KHNYN: variants seen among roughly 807,000 people sequenced by gnomAD.
The protein encoded by KHNYN is KH and NYN domain containing, also known as protein KHNYN.
A neutral mutation model predicts 62.7 loss-of-function variants in KHNYN; 42 were observed. The observed-to-expected ratio is 0.67, with a 90% CI of 0.52 to 0.87. The LOEUF (loss-of-function observed/expected upper bound fraction) is 0.87. Among genes scored for constraint, KHNYN ranks in the 40% least tolerant of loss-of-function variants. KHNYN has a pLI of 0.00. For synonymous variants in KHNYN, 347 were observed against 345.6 expected, an observed-to-expected ratio of 1.00 and a Z score of -0.04; for missense variants, 829 against 874.1, an observed-to-expected ratio of 0.95 and a Z score of 0.65.
At chr14:24,433,985 A>G (rs1235580456) in intron 5 of KHNYN, 1 of 231,932 alleles carries the variant, frequency 4.3e-6, no homozygotes, top group African/African-American at 2.3e-5. Context: ...TTTCCAAACC[A>G]TAGTGATTAT....
chr14:24,441,748 G>A lies in KHNYN; in HGVS notation c.*4463G>A, dbSNP rs2043347629. ...GATGGCTTTAGCCAGCAATTGGGTG[G>A]TCTCTAGGCGGCTGCCGATTACCTC... On this transcript the variant is annotated 3_prime_UTR_variant, in exon 8 of 8. Transcript: ENST00000553935. 6.2e-7 allele frequency: 1 copy of A among 1,601,896 alleles called. No individual in the cohort carries two copies. The highest frequency in any genetic ancestry group is 1.8e-5 in the Admixed American group (1 of 55,508).
chr14:24,440,443 G>C lies in KHNYN; in HGVS notation c.*3158G>C, dbSNP rs1476266279. 4.3e-6 allele frequency: 7 copies of C among 1,611,754 alleles called. No homozygotes were observed. In the African/African-American group the frequency reaches 8.0e-5, roughly 18 times the overall value. ...TGGGGCCCCCCAGGCCCAGGCGAAA[G>C]GGCAGCAGCATGTGGCCCATGGCAC... On this transcript the variant is annotated 3_prime_UTR_variant, in exon 8 of 8. Coordinates refer to ENST00000553935, the MANE Select transcript of KHNYN (RefSeq NM_015299.3).
rs1179628054 is a variant in KHNYN at position 24,440,670 on chromosome 14, AGTG to A, written c.*3390_*3392del. 1 of 1,430,224 alleles carries A rather than the reference AGTG, an allele frequency of 7.0e-7. No homozygotes were observed. Among genetic ancestry groups the A allele is most frequent in the Admixed American group, 1.9e-5 (1 of 51,852 alleles). 88.6% of individuals were successfully genotyped at this position (1,430,224 alleles called of 1,614,324 possible). On this transcript the variant is annotated 3_prime_UTR_variant, in exon 8 of 8. Transcript: ENST00000553935. ...CCTTCTCATCTGCAGGTTGGCTAGA[AGTG>A]GTGGCATCCTCTCACTCTGTAATTG...
rs756951856 is a variant in KHNYN at position 24,432,418 on chromosome 14, G to A, written c.1157G>A (p.Gly386Glu). 7.4e-6 allele frequency: 12 copies of A among 1,613,520 alleles called. No individual in the cohort carries two copies. Among genetic ancestry groups the A allele is most frequent in the Non-Finnish European group, 1.0e-5 (12 of 1,179,878 alleles). The stretch of plus-strand genomic sequence containing the variant: ...GACCGGGGAGACGTGGGGGACAGGG[G>A]AGACAAGCAGCAGGGCATGGCACGG... ...CGDRGDVGDR[G>E]DKQQGMARGR... Residue 386 changes from glycine (G) to glutamate (E), a missense_variant, in exon 3 of 8, where the codon GGA becomes GAA. By Grantham distance (98) the Gly-to-Glu change is moderately conservative. Coordinates refer to ENST00000553935, the MANE Select transcript of KHNYN (RefSeq NM_015299.3). The surrounding 1 kb of genome is among the most constrained non-coding windows in gnomAD (Gnocchi z 5.6).
At chr14:24,435,919 AG>A in intron 5 of KHNYN, 152 bp from the exon 6 acceptor site, 1 of 634,624 alleles carries the variant, frequency 1.6e-6, no homozygotes, top group East Asian at 2.7e-5. Flanking sequence ...TTATTTTTGT[AG>A]ATTTGGGGGA....
intron 1 of KHNYN, 144 bp from the exon 2 acceptor site, chr14:24,430,570 A>G: frequency 7.0e-7 from 1 of 1,432,902 alleles, no homozygotes; most frequent in South Asian, 1.5e-5. Flanking sequence ...CCCTACCTCC[A>G]GTGGACTCAG....
At chr14:24,428,653 T>A (rs1425212327), upstream of KHNYN, 1 of 1,344,258 alleles carries the variant, frequency 7.4e-7, no homozygotes, top group East Asian at 2.3e-5. Context: ...TGTAGGAAGC[T>A]GTTTTCTTAA....
At chr14:24,431,367 C>G in intron 2 of KHNYN, 96 bp from the exon 3 acceptor site, 1 of 962,862 alleles carries the variant, frequency 1.0e-6, no homozygotes, top group South Asian at 1.6e-5. Context: ...TGTGGATACT[C>G]CAGACATCCT....
the KHNYN span, among the ~76,000 whole-genome samples, chr14:24,423,611 G>T: frequency 0.62 from 94,957 of 152,062 alleles, 30,426 homozygotes; most frequent in Middle Eastern, 0.76. Context: ...GCTTAAGGAG[G>T]GAACAGAAGC....
At position 24,432,073 on chromosome 14, in the gene KHNYN, G is replaced by A; in HGVS notation, c.812G>A (p.Gly271Glu). 1.3e-6 allele frequency: 2 copies of A among 1,567,622 alleles called. No homozygotes were observed. The highest frequency in any genetic ancestry group is 1.7e-6 in the Non-Finnish European group (2 of 1,155,204). ...GGTGGTCCCAGGGAGATGGATTGGG[G>A]GTGGAAGGAGTTGCCTGGGGAAGAG... Reference protein sequence around the residue: ...KQGGPREMDWGWKELPGEEAW... With the variant: ...KQGGPREMDWEWKELPGEEAW... Residue 271 changes from glycine (G) to glutamate (E), a missense_variant, in exon 3 of 8, where the codon GGG becomes GAG. This residue lies in a region of KHNYN where 559 missense variants were observed against 527.0 expected (regional missense o/e 1.06). Transcript: ENST00000553935. This position sits in a 1 kb window ranked among gnomAD's most constrained non-coding sequence, Gnocchi z 5.6.
At chr14:24,429,363 G>A, upstream of KHNYN, 1 of 627,882 alleles carries the variant, frequency 1.6e-6, no homozygotes, top group Non-Finnish European at 3.0e-6. Context: ...AGCCCTGCTG[G>A]ATGGGACAGC....
chr14:24,435,247 G>A (rs2043188093), intron 5 of KHNYN, among the ~76,000 whole-genome samples: 1 of 152,250 alleles, frequency 6.6e-6, no homozygotes, highest in Non-Finnish European at 1.5e-5. Flanking sequence ...AGAGCAGAGT[G>A]TAATCTGATT....
upstream of KHNYN, chr14:24,429,765 C>G (rs1267904959): frequency 1.0e-6 from 1 of 985,220 alleles, no homozygotes; most frequent in Non-Finnish European, 1.2e-6. Context: ...TGCGCGAGGA[C>G]CCTGAGGGCC....
At position 24,432,892 on chromosome 14, in the gene KHNYN, T is replaced by G. The variant is rs775086864; in HGVS notation, c.1480+40T>G. ...GTCTTCAGTGTCCCAGGATAGGCTC[T>G]GTTTCCACTTTGAGGAGAACCCTAT... is the stretch of plus-strand genomic sequence containing the variant. On this transcript the variant is annotated intron_variant, in intron 4 of 7. Coordinates refer to ENST00000553935, the MANE Select transcript of KHNYN (RefSeq NM_015299.3). This position sits in a 1 kb window ranked among gnomAD's most constrained non-coding sequence, Gnocchi z 5.6. 2 of 1,614,120 alleles carry G rather than the reference T, an allele frequency of 1.2e-6. No individual in the cohort carries two copies. The highest frequency in any genetic ancestry group is 1.3e-5 in the African/African-American group (1 of 74,950).
rs1417256510 is a variant in KHNYN, at chr14:24,432,421, ACAAG to A, written c.1163_1166del (p.Lys388SerfsTer22). On this transcript the variant is annotated frameshift_variant, in exon 3 of 8. Coordinates refer to ENST00000553935, the MANE Select transcript of KHNYN (RefSeq NM_015299.3). LOFTEE classifies it high-confidence loss of function. This position sits in a 1 kb window ranked among gnomAD's most constrained non-coding sequence, Gnocchi z 5.6. ...CGGGGAGACGTGGGGGACAGGGGAG[ACAAG>A]CAGCAGGGCATGGCACGGGGTCGGG... The A allele has an allele frequency of 7.4e-6, 12 of 1,613,362 alleles. No individual in the cohort carries two copies. In the Admixed American group the frequency reaches 8.3e-5, roughly 11 times the overall value.
rs776850124 is a variant in KHNYN at position 24,431,904 on chromosome 14, G to A, written c.643G>A (p.Ala215Thr). The A allele has an allele frequency of 4.3e-6, 7 of 1,614,078 alleles. No individual in the cohort carries two copies. In the East Asian group the frequency reaches 1.6e-4, roughly 36 times the overall value. Reference protein sequence around the residue: ...ALASWEGRSSALLGAQCQGVR... With the variant: ...ALASWEGRSSTLLGAQCQGVR... ...GGCTTCTTGGGAGGGGCGGAGCTCA[G>A]CCTTGCTGGGTGCTCAGTGCCAAGG... Residue 215 changes from alanine to threonine, a missense_variant, in exon 3 of 8, where the codon GCC (alanine) becomes ACC (threonine). This residue lies in a region of KHNYN where 559 missense variants were observed against 527.0 expected (regional missense o/e 1.06). Transcript: ENST00000553935.
In KHNYN at chr14:24,432,846, G is replaced by A. The variant is rs749226537; in HGVS notation, c.1474G>A (p.Val492Ile). Residue 492 changes from valine to isoleucine, a missense_variant, in exon 4 of 8, where the codon GTC becomes ATC. Transcript: ENST00000553935. This position sits in a 1 kb window ranked among gnomAD's most constrained non-coding sequence, Gnocchi z 5.6. ...GTGGCGCTTCAGTAAGGATGCCAAA[G>A]TCAGAGGTGAGTTGGGCCTGGTCTT... is the stretch of plus-strand genomic sequence containing the variant. ...PQWRFSKDAKVRESHFLQKLY... is the reference protein window; with the variant it reads ...PQWRFSKDAKIRESHFLQKLY... 6.2e-7 allele frequency: 1 copy of A among 1,614,232 alleles called. No homozygotes were observed. The highest frequency in any genetic ancestry group is 2.2e-5 in the East Asian group (1 of 44,890).
chr14:24,439,982 A>T lies in KHNYN; in HGVS notation c.*2697A>T. ...GAAAGAGGACTGGGAGAGGAATCTA[A>T]GAACCAGATGGCTTCAGCTCTCTAG... On this transcript the variant is annotated 3_prime_UTR_variant, in exon 8 of 8. Transcript: ENST00000553935. 1.0e-6 allele frequency: 1 copy of T among 959,704 alleles called. No individual in the cohort carries two copies. The highest frequency in any genetic ancestry group is 1.5e-6 in the Non-Finnish European group (1 of 657,034). The allele number at this position is 959,704 out of a possible 1,614,324, so 59.4% of individuals were successfully genotyped here. A position where few individuals can be genotyped will look rare whatever the true frequency, so the allele number is the denominator to read the frequency against.
rs980423571 is a variant in KHNYN, at chr14:24,440,220, C to T, written c.*2935C>T. The T allele has an allele frequency of 6.2e-7, 1 of 1,613,974 alleles. No homozygotes were observed. Among genetic ancestry groups the T allele is most frequent in the African/African-American group, 1.3e-5 (1 of 75,058 alleles). On this transcript the variant is annotated 3_prime_UTR_variant, in exon 8 of 8. Coordinates refer to ENST00000553935, the MANE Select transcript of KHNYN (RefSeq NM_015299.3). Reference sequence around the variant, plus strand: ...CGCTGTCGCCCAAAGACAGCTTGCACCACAGCGCTGGGGAGAGGGATGAAG... The same window carrying T: ...CGCTGTCGCCCAAAGACAGCTTGCATCACAGCGCTGGGGAGAGGGATGAAG...
Sources: allele counts gnomAD v4.1 joint callset (sites outside exome capture counted in the v4.1 genomes callset), GRCh38; gene constraint gnomAD v4.1.1; regional missense constraint gnomAD v4.1.1; non-coding constraint Gnocchi (gnomAD v3.1); transcripts MANE v1.5; gene names NCBI Gene and HGNC (gene_info 2026-07-23, HGNC 2026-07-21).